Variants in TRDN observed in about 807,000 individuals in gnomAD.
The protein encoded by TRDN is triadin in skeletal muscle.
Under a neutral mutation model 149.7 loss-of-function variants are expected in TRDN, and 161 were observed. That is an observed-to-expected ratio of 1.08 (90% CI 0.95 to 1.23). The LOEUF (loss-of-function observed/expected upper bound fraction) is 1.23. Ranked by LOEUF, TRDN falls within the 50% of genes most tolerant of loss-of-function variation. TRDN has a pLI of 0.00. For synonymous variants in TRDN, 294 were observed against 250.5 expected, an observed-to-expected ratio of 1.17 and a Z score of -1.64; for missense variants, 896 against 823.5, an observed-to-expected ratio of 1.09 and a Z score of -1.08.
intron 32 of TRDN, among the ~76,000 whole-genome samples, chr6:123,266,134 A>C (rs1319617501): frequency 1.8e-5 from 2 of 113,758 alleles, no homozygotes; most frequent in East Asian, 2.7e-4. Flanking sequence ...TATATATTAT[A>C]ATATGTATTA....
At chr6:123,266,550 ATTATATATAATATATATATTATAATATG>A in intron 32 of TRDN, among the ~76,000 whole-genome samples, 1 of 66,038 alleles carries the variant, frequency 1.5e-5, no homozygotes, top group Non-Finnish European at 2.4e-5. Context: ...TATAATATGT[ATTATATATAATATATATATTATAATATG>A]TATTATATAT....
rs1486163713 is a variant in TRDN at position 123,636,772 on chromosome 6, T to A, written c.4A>T (p.Thr2Ser). Residue 2 changes from threonine to serine, a missense_variant, in exon 1 of 41, where the codon ACT (threonine) becomes TCT (serine). Thr to Ser is a moderately conservative substitution (Grantham distance 58). Transcript: ENST00000334268. Reference protein sequence around the residue: MTEITAEGNAST... With the variant: MSEITAEGNAST... ...GCAATACCTTCAGCAGTGATCTCAG[T>A]CATGGTGGTCGTCAAAAGTAAAAGT... is the stretch of plus-strand genomic sequence containing the variant. 1.2e-6 allele frequency: 2 copies of A among 1,611,598 alleles called. No individual in the cohort carries two copies. The highest frequency in any genetic ancestry group is 1.7e-6 in the Non-Finnish European group (2 of 1,178,456).
chr6:123,597,231 C>G (rs1174456513), intron 1 of TRDN, among the ~76,000 whole-genome samples: 2 of 151,966 alleles, frequency 1.3e-5, no homozygotes, highest in African/African-American at 2.4e-5. Context: ...GAAACAACTG[C>G]AGATGTAATA....
At chr6:123,281,635 G>C (rs911191159) in intron 24 of TRDN, among the ~76,000 whole-genome samples, 77 of 152,016 alleles carry the variant, frequency 5.1e-4, no homozygotes, top group African/African-American at 1.7e-3. Context: ...ACATACAATT[G>C]TGTGAAAATA....
chr6:123,449,105 C>G (rs1258652141), intron 10 of TRDN, among the ~76,000 whole-genome samples: 4 of 152,094 alleles, frequency 2.6e-5, no homozygotes, highest in East Asian at 1.9e-4. Flanking sequence ...TCTGACAGAG[C>G]CTACCCAAAT....
At chr6:123,507,768 C>A (rs938615446) in intron 7 of TRDN, among the ~76,000 whole-genome samples, 1 of 151,748 alleles carries the variant, frequency 6.6e-6, no homozygotes, top group Non-Finnish European at 1.5e-5. Context: ...ATGGCCTAAT[C>A]AAAAAAAATG....
intron 22 of TRDN, 54 bp downstream of exon 22, chr6:123,337,565 A>G: frequency 1.1e-6 from 1 of 919,362 alleles, no homozygotes; most frequent in Non-Finnish European, 1.6e-6. Context: ...TGTGTTCTCA[A>G]TAATATATAT....
intron 10 of TRDN, among the ~76,000 whole-genome samples, chr6:123,449,003 C>T (rs1775587741): frequency 1.3e-5 from 2 of 152,096 alleles, no homozygotes; most frequent in Admixed American, 6.6e-5. Context: ...CAGGAAGCCA[C>T]ATCCATAGGA....
At chr6:123,507,325 A>C (rs1778975937) in intron 7 of TRDN, among the ~76,000 whole-genome samples, 1 of 152,150 alleles carries the variant, frequency 6.6e-6, no homozygotes, top group Non-Finnish European at 1.5e-5. Flanking sequence ...TGCCATTATA[A>C]TTTATAAGTG....
intron 12 of TRDN, among the ~76,000 whole-genome samples, chr6:123,397,931 A>G (rs773850897): frequency 6.6e-6 from 1 of 152,252 alleles, no homozygotes; most frequent in Non-Finnish European, 1.5e-5. Flanking sequence ...TTAATCTTCC[A>G]AAGAAATGAA....
intron 26 of TRDN, among the ~76,000 whole-genome samples, chr6:123,276,108 AGAG>A (rs1777359575): frequency 6.6e-6 from 1 of 152,140 alleles, no homozygotes; most frequent in African/African-American, 2.4e-5. Context: ...CATTCACAAA[AGAG>A]GAGCTCTTAT....
chr6:123,494,039 G>A (rs2114804134), intron 9 of TRDN, among the ~76,000 whole-genome samples: 1 of 151,958 alleles, frequency 6.6e-6, no homozygotes, highest in East Asian at 1.9e-4. Context: ...TTCAACTCCT[G>A]GACAAGAAAT....
intron 18 of TRDN, 121 bp from the exon 19 acceptor site, chr6:123,375,752 G>A: frequency 1.3e-6 from 1 of 757,478 alleles, no homozygotes; most frequent in Non-Finnish European, 2.0e-6. Context: ...GGAAGCTAAA[G>A]AAAAATAAGA....
chr6:123,565,026 T>C (rs1450910340), intron 2 of TRDN, among the ~76,000 whole-genome samples: 1 of 152,212 alleles, frequency 6.6e-6, no homozygotes. Flanking sequence ...CATCCACTAA[T>C]GCCTTAGTTT....
At position 123,365,733 on chromosome 6, in the gene TRDN, T is replaced by G. The variant is rs77097982; in HGVS notation, c.1321+402A>C. ...ATCTCACCTAATACATTTCATAATT[T>G]TATACTATTCTTGAACAAAGTGAAT... On this transcript the variant is annotated intron_variant, in intron 20 of 40. Transcript: ENST00000334268. Among the ~76,000 whole-genome samples the G allele has an allele frequency of 3.0e-3, 450 of 152,298 alleles. 12 individuals are homozygous for G. The East Asian group carries it at 0.073, about 25-fold the overall frequency.
chr6:123,559,851 A>T (rs1781885695), intron 2 of TRDN, among the ~76,000 whole-genome samples: 1 of 152,022 alleles, frequency 6.6e-6, no homozygotes, highest in African/African-American at 2.4e-5. Context: ...CTCCCTCCAC[A>T]ATCCATTATT....
intron 38 of TRDN, among the ~76,000 whole-genome samples, chr6:123,227,759 G>GT (rs1775439998): frequency 1.3e-5 from 2 of 151,598 alleles, no homozygotes; most frequent in African/African-American, 2.4e-5. Flanking sequence ...GTTTTTGTTT[G>GT]TTTTTTGAGA....
chr6:123,240,067 A>C (rs1474410813), intron 38 of TRDN, among the ~76,000 whole-genome samples: 3 of 152,006 alleles, frequency 2.0e-5, no homozygotes, highest in Non-Finnish European at 4.4e-5. Context: ...ATGAGAGACC[A>C]ATACATGTCA....
chr6:123,514,151 G>A (rs1723357741), intron 6 of TRDN, among the ~76,000 whole-genome samples: 1 of 152,122 alleles, frequency 6.6e-6, no homozygotes, highest in Non-Finnish European at 1.5e-5. Flanking sequence ...GATCACTTGA[G>A]TTCAGGAGTA....
Sources: allele counts gnomAD v4.1 joint callset (sites outside exome capture counted in the v4.1 genomes callset), GRCh38; gene constraint gnomAD v4.1.1; transcripts MANE v1.5; gene names NCBI Gene and HGNC (gene_info 2026-07-23, HGNC 2026-07-21).